The following PTPRO variants were observed in gnomAD, a reference collection of about 807,000 sequenced individuals.
PTPRO encodes receptor-type tyrosine-protein phosphatase O.
A neutral mutation model predicts 145.2 loss-of-function variants in PTPRO; 62 were observed. That is an observed-to-expected ratio of 0.43 (90% CI 0.35 to 0.53). PTPRO has a LOEUF of 0.53. Among genes scored for constraint, PTPRO ranks in the 20% least tolerant of loss-of-function variants. The pLI is 0.01. For missense variants in PTPRO, 1,345 were observed against 1,482.7 expected (o/e 0.91, Z 1.53); for synonymous variants, 565 against 514.7 (o/e 1.10, Z -1.32).
intron 1 of PTPRO, among the ~76,000 whole-genome samples, chr12:15,375,859 T>A (rs1938671790): frequency 6.6e-6 from 1 of 152,036 alleles, no homozygotes. Context: ...ATATTTGAGT[T>A]TACTCAACAG....
At chr12:15,575,348 C>T (rs1335542242) in intron 19 of PTPRO, among the ~76,000 whole-genome samples, 2 of 152,208 alleles carry the variant, frequency 1.3e-5, no homozygotes, top group Admixed American at 1.3e-4. Context: ...CTTCCCGAGG[C>T]TCCACCTCTG....
chr12:15,545,576 A>C (rs1197711787), intron 12 of PTPRO, among the ~76,000 whole-genome samples: 1 of 151,812 alleles, frequency 6.6e-6, no homozygotes, highest in Non-Finnish European at 1.5e-5. Flanking sequence ...TCAAGAGAGC[A>C]ATGCCAGTGA....
At chr12:15,455,218 T>C (rs1000050846) in intron 1 of PTPRO, among the ~76,000 whole-genome samples, 12 of 152,158 alleles carry the variant, frequency 7.9e-5, no homozygotes, top group African/African-American at 2.9e-4. Context: ...ATACCACTTA[T>C]ACCTGCTTAA....
chr12:15,479,940 G>T (rs904594197), intron 1 of PTPRO, among the ~76,000 whole-genome samples: 6 of 152,200 alleles, frequency 3.9e-5, no homozygotes, highest in African/African-American at 1.4e-4. Context: ...CTCAGTCTTG[G>T]TGTGCAGGCG....
At chr12:15,490,964 T>C (rs1941988257) in intron 2 of PTPRO, among the ~76,000 whole-genome samples, 5 of 152,190 alleles carry the variant, frequency 3.3e-5, no homozygotes, top group Admixed American at 2.6e-4. Flanking sequence ...TTTAGAAAGT[T>C]GTTGAAATGT....
chr12:15,451,124 G>T (rs1157157113), intron 1 of PTPRO, among the ~76,000 whole-genome samples: 1 of 151,936 alleles, frequency 6.6e-6, no homozygotes, highest in Admixed American at 6.6e-5. Flanking sequence ...TAAACTTAAG[G>T]TAAAGGGATG....
At chr12:15,586,811 T>C in intron 23 of PTPRO, 86 bp from the exon 24 acceptor site, 2 of 1,516,272 alleles carry the variant, frequency 1.3e-6, no homozygotes, top group Non-Finnish European at 1.8e-6. Context: ...GGCTCTACCT[T>C]TTTGCATGCT....
rs561550953 is a variant in PTPRO, at chr12:15,414,235, C to A, written c.76-69739C>A. ...TCTTCAACTTTGAATCACATATGAA[C>A]AACGTTCATAACATTTAAGGGGTCT... is the stretch of plus-strand genomic sequence containing the variant. On this transcript the variant is annotated intron_variant, in intron 1 of 26. Transcript: ENST00000281171. 3.3e-5 allele frequency among the ~76,000 whole-genome samples: 5 copies of A among 152,298 alleles called. No individual in the cohort carries two copies. In the South Asian group the frequency reaches 1.0e-3, roughly 32 times the overall value.
intron 10 of PTPRO, 149 bp downstream of exon 10, chr12:15,520,461 A>T (rs1333025306): frequency 9.3e-6 from 6 of 643,556 alleles, no homozygotes; most frequent in Admixed American, 8.0e-5. Flanking sequence ...CTGATCATTC[A>T]TTATTTTGTT....
intron 1 of PTPRO, among the ~76,000 whole-genome samples, chr12:15,407,998 T>C (rs1311724502): frequency 6.6e-6 from 1 of 152,216 alleles, no homozygotes; most frequent in Non-Finnish European, 1.5e-5. Context: ...AATCCTAGAC[T>C]CTAGCCCAAG....
intron 2 of PTPRO, among the ~76,000 whole-genome samples, chr12:15,490,223 G>A (rs1247973102): frequency 4.6e-5 from 7 of 152,202 alleles, no homozygotes; most frequent in Admixed American, 4.6e-4. Context: ...TCAATCATAT[G>A]TATAGCCTTA....
chr12:15,354,090 T>A (rs1024054757), intron 1 of PTPRO, among the ~76,000 whole-genome samples: 1 of 152,172 alleles, frequency 6.6e-6, no homozygotes, highest in Non-Finnish European at 1.5e-5. Flanking sequence ...TAACTGTTGG[T>A]CCTCCTCAAA....
chr12:15,400,463 A>G (rs1433292483), intron 1 of PTPRO, among the ~76,000 whole-genome samples: 2 of 152,098 alleles, frequency 1.3e-5, no homozygotes, highest in Non-Finnish European at 2.9e-5. Flanking sequence ...TTCCCATGTC[A>G]GTGGCTCTGC....
chr12:15,460,229 T>C (rs529823809), intron 1 of PTPRO, among the ~76,000 whole-genome samples: 3 of 152,170 alleles, frequency 2.0e-5, no homozygotes, highest in Non-Finnish European at 4.4e-5. Context: ...TTTTGAAAAC[T>C]AAGGCCTTGC....
At chr12:15,595,532 T>A (rs1012353850) in intron 26 of PTPRO, 3 of 169,402 alleles carry the variant, frequency 1.8e-5, no homozygotes, top group African/African-American at 4.8e-5. Context: ...TGAAAATACC[T>A]TGGTCTCCCC....
intron 3 of PTPRO, 62 bp from the exon 4 acceptor site, chr12:15,499,380 T>C: frequency 6.6e-7 from 1 of 1,512,312 alleles, no homozygotes; most frequent in Non-Finnish European, 9.2e-7. Flanking sequence ...GTTTCAAACT[T>C]TCCAGAAGTG....
intron 1 of PTPRO, among the ~76,000 whole-genome samples, chr12:15,471,880 G>A (rs568924949): frequency 7.2e-5 from 11 of 152,268 alleles, no homozygotes; most frequent in South Asian, 4.2e-4. Context: ...ATTCTAGCCA[G>A]GTGTCAGAAG....
intron 1 of PTPRO, among the ~76,000 whole-genome samples, chr12:15,442,095 T>A (rs1473902244): frequency 6.6e-6 from 1 of 151,894 alleles, no homozygotes; most frequent in Admixed American, 6.6e-5. Flanking sequence ...GATGCAAAAA[T>A]GTTCAACAAA....
At chr12:15,381,678 C>G (rs1316607615) in intron 1 of PTPRO, among the ~76,000 whole-genome samples, 7 of 152,092 alleles carry the variant, frequency 4.6e-5, no homozygotes, top group Admixed American at 4.6e-4. Context: ...AGTGTTTTCT[C>G]CCTTTCGCAG....
Sources: gnomAD v4.1 joint callset for allele counts (sites outside exome capture counted in the v4.1 genomes callset) on GRCh38, gnomAD v4.1.1 for gene constraint, MANE v1.5 for transcripts, NCBI Gene and HGNC (gene_info 2026-07-23, HGNC 2026-07-21) for gene names.